Variants in TPM3 observed in about 807,000 individuals in gnomAD.
TPM3 encodes the protein tropomyosin alpha-3 chain.
Under a neutral mutation model 43.1 loss-of-function variants are expected in TPM3, and 16 were observed. That is an observed-to-expected ratio of 0.37 (90% confidence interval 0.25 to 0.56). The LOEUF is 0.56. TPM3 is among the 20% of genes least tolerant of loss of function. The pLI is 0.77. For missense variants in TPM3, 176 were observed against 337.2 expected (o/e 0.52, Z 3.74); for synonymous variants, 101 against 116.9 (o/e 0.86, Z 0.88).
intron 9 of TPM3, among the ~76,000 whole-genome samples, chr1:154,168,264 C>T (rs1171190756): frequency 6.6e-6 from 1 of 152,108 alleles, no homozygotes; most frequent in Non-Finnish European, 1.5e-5. Flanking sequence ...TGGGTAGTTC[C>T]CTGAACTTTA....
At chr1:154,178,566 A>C (rs1662602590) in intron 2 of TPM3, among the ~76,000 whole-genome samples, 1 of 152,228 alleles carries the variant, frequency 6.6e-6, no homozygotes, top group Non-Finnish European at 1.5e-5. Context: ...CAAGGAAGAC[A>C]AGCTGACTTT....
At chr1:154,188,831 C>T (rs537343797) in intron 2 of TPM3, among the ~76,000 whole-genome samples, 1 of 151,332 alleles carries the variant, frequency 6.6e-6, no homozygotes, top group East Asian at 1.9e-4. Flanking sequence ...CAAAACAGAT[C>T]AGAAACCTAA....
In TPM3 at chr1:154,162,145, C is replaced by A. The variant is rs1219885271; in HGVS notation, c.*5792G>T. Among the ~76,000 whole-genome samples the A allele has an allele frequency of 6.6e-6, 1 of 151,880 alleles. No homozygotes were observed. The highest frequency in any genetic ancestry group is 1.5e-5 in the Non-Finnish European group (1 of 67,986). ...CAGCACTTTGGAAGGCCGAGGCGGG[C>A]AGATCACGAGGTCAGGAGTTTGAGA... On this transcript the variant is annotated 3_prime_UTR_variant, in exon 10 of 10. Coordinates refer to ENST00000651641, the MANE Select transcript of TPM3 (RefSeq NM_152263.4).
downstream of TPM3, chr1:154,157,373 A>C (rs1571347534): frequency 3.6e-6 from 2 of 561,002 alleles, no homozygotes; most frequent in South Asian, 4.0e-5. Context: ...ACATCACAAC[A>C]TGCTTTTTAA....
intron 2 of TPM3, among the ~76,000 whole-genome samples, chr1:154,185,603 G>A (rs1313496070): frequency 6.6e-6 from 1 of 150,564 alleles, no homozygotes; most frequent in Non-Finnish European, 1.5e-5. Flanking sequence ...CCAGCCACTC[G>A]GGAGGCTGAG....
At chr1:154,171,320 G>C in intron 6 of TPM3, 93 bp downstream of exon 6, 1 of 1,342,168 alleles carries the variant, frequency 7.5e-7, no homozygotes, top group Non-Finnish European at 1.1e-6. Context: ...CGCCTCACTG[G>C]ATTATATATG....
chr1:154,192,009 C>A lies in TPM3; in HGVS notation c.10G>T (p.Ala4Ser). 6.2e-7 allele frequency: 1 copy of A among 1,612,976 alleles called. No individual in the cohort carries two copies. The highest frequency in any genetic ancestry group is 8.5e-7 in the Non-Finnish European group (1 of 1,179,386). Residue 4 changes from alanine (A) to serine (S), a missense_variant, in exon 1 of 10, where the codon GCC becomes TCC. Ala to Ser is a moderately conservative substitution (Grantham distance 99, BLOSUM62 1). This residue lies in a region of TPM3 where 82 missense variants were observed against 148.8 expected (regional missense o/e 0.55). Coordinates refer to ENST00000651641, the MANE Select transcript of TPM3 (RefSeq NM_152263.4). The stretch of plus-strand genomic sequence containing the variant: ...AGCATCTGCATCTTTTTCTTGATGG[C>A]CTCCATCATGAGCAGTGGCTGTTGG... MME[A>S]IKKKMQMLKL...
intron 2 of TPM3, chr1:154,178,103 A>G (rs1662545252): frequency 1.0e-6 from 1 of 983,998 alleles, no homozygotes; most frequent in South Asian, 4.7e-5. Flanking sequence ...ACTGCTAGTA[A>G]AATGACTTAC....
At position 154,178,249 on chromosome 1, in the gene TPM3, A is replaced by G. The variant is rs1381873834; in HGVS notation, c.244-2001T>C. 3.2e-6 allele frequency: 3 copies of G among 943,398 alleles called. No homozygotes were observed. The Admixed American group carries it at 1.8e-4, about 58-fold the overall frequency. The allele number at this position is 943,398 out of a possible 1,614,324, so 58.4% of individuals were successfully genotyped here. A position where few individuals can be genotyped will look rare whatever the true frequency, so the allele number is the denominator to read the frequency against. The stretch of plus-strand genomic sequence containing the variant: ...GGCGGGGGTGTACAGTTGCCATGAC[A>G]GCAAGCTGGCTCAGGCAGTTTCTCC... On this transcript the variant is annotated intron_variant, in intron 2 of 9. Coordinates refer to ENST00000651641, the MANE Select transcript of TPM3 (RefSeq NM_152263.4).
rs1034079083 is a variant in TPM3 at position 154,165,691 on chromosome 1, A to G, written c.*2246T>C. Among the ~76,000 whole-genome samples the G allele has an allele frequency of 2.7e-5, 4 of 147,984 alleles. No individual in the cohort carries two copies. The highest frequency in any genetic ancestry group is 4.5e-5 in the Non-Finnish European group (3 of 67,246). ...GTGATCTCAGCTACTCGGGAGGCTG[A>G]GGTGGGAGAACTGCTTGAACCCAGG... On this transcript the variant is annotated 3_prime_UTR_variant, in exon 10 of 10. Transcript: ENST00000651641.
chr1:154,167,880 T>G lies in TPM3; in HGVS notation c.*57A>C. On this transcript the variant is annotated 3_prime_UTR_variant, in exon 10 of 10. Coordinates refer to ENST00000651641, the MANE Select transcript of TPM3 (RefSeq NM_152263.4). Reference sequence around the variant, plus strand: ...TGGAATCCAGAGCGAGAGTGGGGCCTTGGGTTCCCCGAGGAGTAAAGGGGG... The same window carrying G: ...TGGAATCCAGAGCGAGAGTGGGGCCGTGGGTTCCCCGAGGAGTAAAGGGGG... 1 of 1,613,902 alleles carries G rather than the reference T, an allele frequency of 6.2e-7. No homozygotes were observed. The highest frequency in any genetic ancestry group is 1.3e-5 in the African/African-American group (1 of 75,032).
chr1:154,183,353 C>T (rs553251723), intron 2 of TPM3: 37 of 1,406,084 alleles, frequency 2.6e-5, no homozygotes, highest in Non-Finnish European at 3.5e-5. Flanking sequence ...TGGAGTACGG[C>T]TCCCGGCCTT....
downstream of TPM3, chr1:154,157,741 G>T (rs1181837895): frequency 1.3e-6 from 1 of 780,832 alleles, no homozygotes; most frequent in South Asian, 1.3e-5. Context: ...GTAAAGGAGA[G>T]AAGTTACAAG....
At position 154,166,515 on chromosome 1, in the gene TPM3, TACAGGCAGTAC is replaced by T; in HGVS notation, c.*1411_*1421del. The T allele has an allele frequency of 9.5e-7, 1 of 1,054,154 alleles. No homozygotes were observed. The highest frequency in any genetic ancestry group is 1.1e-6 in the Non-Finnish European group (1 of 871,366). 65.3% of individuals were successfully genotyped at this position (1,054,154 alleles called of 1,614,324 possible). A position where few individuals can be genotyped will look rare whatever the true frequency, so the allele number is the denominator to read the frequency against. ...CTCCTGCCTCAGCCTCCCAAGAAGC[TACAGGCAGTAC>T]AGGCAAGTGCCATTGCACCCAGCTA... is the stretch of plus-strand genomic sequence containing the variant. On this transcript the variant is annotated 3_prime_UTR_variant, in exon 10 of 10. Transcript: ENST00000651641.
downstream of TPM3, chr1:154,157,511 T>C: frequency 1.3e-6 from 1 of 759,148 alleles, no homozygotes; most frequent in South Asian, 1.4e-5. Flanking sequence ...AAGGAGGGGG[T>C]GGTGAAAGGA....
In TPM3 at chr1:154,164,278, C is replaced by T. The variant is rs1441070180; in HGVS notation, c.*3659G>A. On this transcript the variant is annotated 3_prime_UTR_variant, in exon 10 of 10. Transcript: ENST00000651641. ...CTGGGCTCAAAGGATCCTCTGGCTT[C>T]GGCCCTCCAAGTAGATAGGACTGCA... Among the ~76,000 whole-genome samples, 1 of 152,042 alleles carries T rather than the reference C, an allele frequency of 6.6e-6. No homozygotes were observed. The highest frequency in any genetic ancestry group is 6.6e-5 in the Admixed American group (1 of 15,248).
chr1:154,170,039 T>C, intron 8 of TPM3: 1 of 293,864 alleles, frequency 3.4e-6, no homozygotes, highest in South Asian at 3.7e-5. Flanking sequence ...CTGTGGAAAG[T>C]AGCCATGAAA....
intron 2 of TPM3, 137 bp downstream of exon 2, chr1:154,191,049 G>T: frequency 7.4e-7 from 1 of 1,345,734 alleles, no homozygotes; most frequent in Non-Finnish European, 1.1e-6. Context: ...ACCAGCATGT[G>T]GTTATATGCA....
rs1389388125 is a variant in TPM3, at chr1:154,162,903, CCTT to C, written c.*5031_*5033del. ...TTTTCTCCCAATCTCCCTCTTATTT[CCTT>C]CTTTTTTTTCTCTCCTGCCTCAGCC... is the stretch of plus-strand genomic sequence containing the variant. On this transcript the variant is annotated 3_prime_UTR_variant, in exon 10 of 10. Coordinates refer to ENST00000651641, the MANE Select transcript of TPM3 (RefSeq NM_152263.4). 6.6e-6 allele frequency among the ~76,000 whole-genome samples: 1 copy of C among 152,122 alleles called. No individual in the cohort carries two copies. The highest frequency in any genetic ancestry group is 2.4e-5 in the African/African-American group (1 of 41,416).
Sources: gnomAD v4.1 joint callset for allele counts (sites outside exome capture counted in the v4.1 genomes callset) on GRCh38, gnomAD v4.1.1 for gene constraint, gnomAD v4.1.1 regional missense constraint, MANE v1.5 for transcripts, NCBI Gene and HGNC (gene_info 2026-07-23, HGNC 2026-07-21) for gene names.